Variants in GCNT2 observed in about 807,000 individuals in gnomAD.
GCNT2 encodes glucosaminyl (N-acetyl) transferase 2 (I blood group).
Under a neutral mutation model 34.2 loss-of-function variants are expected in GCNT2, and 34 were observed. That is an observed-to-expected ratio of 1.00 (90% CI 0.76 to 1.32). The LOEUF (loss-of-function observed/expected upper bound fraction) is 1.32, where lower values mean the gene tolerates loss of function less well. Ranked by LOEUF, GCNT2 falls within the 40% of genes most tolerant of loss-of-function variation. The pLI is 0.00. For missense variants in GCNT2, 584 were observed against 489.4 expected (o/e 1.19, Z -1.82); for synonymous variants, 212 against 188.0 (o/e 1.13, Z -1.04).
At chr6:10,592,023 C>G (rs919573154) in intron 3 of GCNT2, among the ~76,000 whole-genome samples, 16 of 152,212 alleles carry the variant, frequency 1.1e-4, no homozygotes, top group Non-Finnish European at 2.2e-4. Flanking sequence ...GATTCATTCA[C>G]TCATGCTGAT....
rs35537333 is a variant in GCNT2, at chr6:10,556,753, G to A, written c.925+26917G>A. The A allele has an allele frequency of 0.023, 37,531 of 1,614,018 alleles. 519 individuals carry two copies. The highest frequency in any genetic ancestry group is 0.027 in the Non-Finnish European group (32,239 of 1,179,904). On this transcript the variant is annotated intron_variant, in intron 3 of 4. Coordinates refer to ENST00000495262, the MANE Select transcript of GCNT2 (RefSeq NM_145649.5). ...ATCATCACTTTGACACCTTTGCAAG[G>A]CTCTTCAGGGCTATTTACATGCCCC...
At chr6:10,556,082 A>G (rs1029146559) in intron 3 of GCNT2, 101 of 1,198,826 alleles carry the variant, frequency 8.4e-5, no homozygotes, top group Non-Finnish European at 1.0e-4. Context: ...GATATGGGAA[A>G]CTAAATCTGC....
At chr6:10,563,780 A>ATG in intron 3 of GCNT2, among the ~76,000 whole-genome samples, 1 of 49,650 alleles carries the variant, frequency 2.0e-5, no homozygotes, top group East Asian at 5.2e-4. Context: ...AAAAAAAAAT[A>ATG]TATATATATA....
chr6:10,578,741 C>G (rs536585124), intron 3 of GCNT2, among the ~76,000 whole-genome samples: 2 of 152,134 alleles, frequency 1.3e-5, no homozygotes, highest in East Asian at 1.9e-4. Context: ...CCACTGCGCC[C>G]GGCCCGGAGC....
At chr6:10,562,142 G>C (rs935153690) in intron 3 of GCNT2, among the ~76,000 whole-genome samples, 15 of 152,104 alleles carry the variant, frequency 9.9e-5, no homozygotes, top group Admixed American at 6.6e-5. Flanking sequence ...TTTCTTGCTA[G>C]GTCATCTCCC....
chr6:10,600,889 T>G (rs1200418152), intron 3 of GCNT2, among the ~76,000 whole-genome samples: 3 of 152,058 alleles, frequency 2.0e-5, no homozygotes, highest in Non-Finnish European at 2.9e-5. Flanking sequence ...CTCCCAGGCT[T>G]AAGCAATCCT....
At chr6:10,614,084 T>A (rs545584373) in intron 3 of GCNT2, among the ~76,000 whole-genome samples, 1 of 152,188 alleles carries the variant, frequency 6.6e-6, no homozygotes, top group Non-Finnish European at 1.5e-5. Context: ...CAAATTAAAT[T>A]ACTTACTGAA....
At position 10,555,359 on chromosome 6, in the gene GCNT2, T is replaced by C. The variant is rs147052411; in HGVS notation, c.925+25523T>C. On this transcript the variant is annotated intron_variant, in intron 3 of 4. Coordinates refer to ENST00000495262, the MANE Select transcript of GCNT2 (RefSeq NM_145649.5). ...ATACTCCTTGGCCAGAACACCACTA[T>C]ATTTACAAATAGGGGATAAAAACAC... is the stretch of plus-strand genomic sequence containing the variant. 5.9e-5 allele frequency among the ~76,000 whole-genome samples: 9 copies of C among 152,316 alleles called. 1 individual carries two copies. The East Asian group carries it at 1.7e-3, about 29-fold the overall frequency.
At chr6:10,552,926 A>C (rs1341947576) in intron 3 of GCNT2, among the ~76,000 whole-genome samples, 1 of 152,208 alleles carries the variant, frequency 6.6e-6, no homozygotes, top group Non-Finnish European at 1.5e-5. Flanking sequence ...GAATGGGTAC[A>C]GTTTCACCCC....
chr6:10,616,745 TAC>T (rs1384131391), intron 3 of GCNT2, among the ~76,000 whole-genome samples: 1 of 146,118 alleles, frequency 6.8e-6, no homozygotes, highest in Non-Finnish European at 1.5e-5. Context: ...TTGAGGTAGA[TAC>T]AGAGTGCTGA....
At chr6:10,611,265 AACTGGTTCAATTGATCAAT>A (rs1283852154) in intron 3 of GCNT2, among the ~76,000 whole-genome samples, 89,983 of 147,642 alleles carry the variant, frequency 0.61, 27,488 homozygotes, top group East Asian at 0.65. Context: ...TGATCACTTG[AACTGGTTCAATTGATCAAT>A]TGAACCAGTA....
In GCNT2 at chr6:10,607,700, TG is replaced by T. The variant is rs1217620673; in HGVS notation, c.926-13645del. On this transcript the variant is annotated intron_variant, in intron 3 of 4. Transcript: ENST00000495262. ...AGAAAAGCCCTAACTTACAGACATT[TG>T]GGGGGTCTTATTGGTAATCAGTTGT... Among the ~76,000 whole-genome samples, 4 of 111,138 alleles carry T rather than the reference TG, an allele frequency of 3.6e-5. No individual in the cohort carries two copies. The East Asian group carries it at 5.8e-4, about 16-fold the overall frequency. The allele number at this position is 111,138 out of a possible 152,430, so 72.9% of individuals were successfully genotyped here.
chr6:10,536,185 C>G (rs1761741928), intron 3 of GCNT2, among the ~76,000 whole-genome samples: 1 of 152,114 alleles, frequency 6.6e-6, no homozygotes, highest in Non-Finnish European at 1.5e-5. Flanking sequence ...TGGGATCTTA[C>G]TGTGTGCAGA....
chr6:10,566,638 T>C (rs1763295569), intron 3 of GCNT2, among the ~76,000 whole-genome samples: 1 of 152,242 alleles, frequency 6.6e-6, no homozygotes. Context: ...AGTGACCTTT[T>C]AGAATAGGCT....
At chr6:10,557,524 G>C (rs1273949787) in intron 3 of GCNT2, among the ~76,000 whole-genome samples, 1 of 150,810 alleles carries the variant, frequency 6.6e-6, no homozygotes, top group East Asian at 1.9e-4. Context: ...ATCTCACTCT[G>C]TGGCCCAGGC....
At chr6:10,575,296 G>GT (rs1763755486) in intron 3 of GCNT2, 2 of 252,072 alleles carry the variant, frequency 7.9e-6, no homozygotes, top group Non-Finnish European at 1.6e-5. Context: ...CCGTGATAGT[G>GT]TATCTCATAC....
chr6:10,581,362 C>T (rs1479105113), intron 3 of GCNT2, among the ~76,000 whole-genome samples: 1 of 152,130 alleles, frequency 6.6e-6, no homozygotes, highest in African/African-American at 2.4e-5. Context: ...CCTCTGCCTC[C>T]TAGGTTCAAG....
intron 3 of GCNT2, among the ~76,000 whole-genome samples, chr6:10,616,896 T>C (rs1201849392): frequency 6.6e-6 from 1 of 152,198 alleles, no homozygotes; most frequent in Non-Finnish European, 1.5e-5. Context: ...TTACAAACCT[T>C]GAGCTAGAGA....
chr6:10,604,727 G>A (rs1765235531), intron 3 of GCNT2, among the ~76,000 whole-genome samples: 1 of 152,046 alleles, frequency 6.6e-6, no homozygotes, highest in Admixed American at 6.6e-5. Flanking sequence ...CAGGCACGGT[G>A]GCACATCCAG....
Sources: allele counts gnomAD v4.1 joint callset (sites outside exome capture counted in the v4.1 genomes callset), GRCh38; gene constraint gnomAD v4.1.1; transcripts MANE v1.5; gene names NCBI Gene and HGNC (gene_info 2026-07-23, HGNC 2026-07-21).